Variants in TMPRSS11A observed in about 807,000 individuals in gnomAD.
TMPRSS11A encodes the protein transmembrane serine protease 11A.
Under a neutral mutation model 58.9 loss-of-function variants are expected in TMPRSS11A, and 53 were observed. The ratio of observed to expected loss-of-function variants is 0.90; its 90% CI spans 0.72 to 1.13. The LOEUF (loss-of-function observed/expected upper bound fraction) is 1.13. Ranked by LOEUF, TMPRSS11A falls within the 50% of genes most tolerant of loss-of-function variation. The probability of loss-of-function intolerance (pLI) is 0.00; values close to 1 mark genes in which losing one functional copy is unlikely to be tolerated. For synonymous variants in TMPRSS11A, 167 were observed against 169.8 expected, an observed-to-expected ratio of 0.98 and a Z score of 0.13; for missense variants, 493 against 499.3, an observed-to-expected ratio of 0.99 and a Z score of 0.12.
At chr4:67,961,980 G>T (rs944713079) in intron 1 of TMPRSS11A, among the ~76,000 whole-genome samples, 1 of 152,102 alleles carries the variant, frequency 6.6e-6, no homozygotes, top group Non-Finnish European at 1.5e-5. Flanking sequence ...TATTTTAAAA[G>T]AGTGATTTGG....
chr4:67,944,620 A>G lies in TMPRSS11A; in HGVS notation c.151T>C (p.Tyr51His), dbSNP rs933965374. The G allele has an allele frequency of 6.2e-7, 1 of 1,611,912 alleles. No individual in the cohort carries two copies. Among genetic ancestry groups the G allele is most frequent in the African/African-American group, 1.3e-5 (1 of 74,848 alleles). The change falls in exon 3 of 10, where the codon TAT (tyrosine) becomes CAT (histidine). Residue 51 changes from tyrosine (Y) to histidine (H), a missense_variant. Transcript: ENST00000508048. ...FLVFDQKKEY[Y>H]HGSFKILDPQ... is the part of the protein sequence containing the mutation. ...TCTAAAATTTTAAAGGAGCCATGAT[A>G]GTACTCCTTTTTTTGGTCTGCAATG...
chr4:67,960,055 G>A (rs1362392561), intron 1 of TMPRSS11A, among the ~76,000 whole-genome samples: 1 of 152,230 alleles, frequency 6.6e-6, no homozygotes, highest in East Asian at 1.9e-4. Context: ...GCAAACTAAT[G>A]CAGGAACAGA....
intron 7 of TMPRSS11A, among the ~76,000 whole-genome samples, chr4:67,919,823 G>A (rs1287364460): frequency 6.6e-6 from 1 of 152,164 alleles, no homozygotes; most frequent in African/African-American, 2.4e-5. Context: ...TCTTGGGTTG[G>A]ATGGGCTGCA....
intron 1 of TMPRSS11A, among the ~76,000 whole-genome samples, chr4:67,954,938 T>C (rs12506584): frequency 0.17 from 26,404 of 152,174 alleles, 2,676 homozygotes; most frequent in Admixed American, 0.31. Flanking sequence ...ATAGAGTAAA[T>C]AATATATAAA....
chr4:67,927,614 C>T (rs1217545578), intron 5 of TMPRSS11A, among the ~76,000 whole-genome samples: 1 of 152,190 alleles, frequency 6.6e-6, no homozygotes, highest in Admixed American at 6.5e-5. Flanking sequence ...GTCAAGTGGG[C>T]AGAACAAGCC....
intron 1 of TMPRSS11A, among the ~76,000 whole-genome samples, chr4:67,961,675 G>GT: frequency 6.6e-6 from 1 of 151,852 alleles, no homozygotes; most frequent in East Asian, 1.9e-4. Flanking sequence ...ACCATGCCCG[G>GT]CTAATTGTTG....
At chr4:67,957,975 C>T (rs964342652) in intron 1 of TMPRSS11A, among the ~76,000 whole-genome samples, 5 of 152,156 alleles carry the variant, frequency 3.3e-5, no homozygotes, top group African/African-American at 1.2e-4. Context: ...ATGCAAGCCC[C>T]AAGCCTTAGC....
In TMPRSS11A at chr4:67,919,239, A is replaced by G; in HGVS notation, c.693-7T>C. 3 of 1,612,880 alleles carry G rather than the reference A, an allele frequency of 1.9e-6. No individual in the cohort carries two copies. Among genetic ancestry groups the G allele is most frequent in the Non-Finnish European group, 2.5e-6 (3 of 1,179,320 alleles). ...TTGATGTGGATTTTTATACCTGGAA[A>G]AGGTTAGAAATTAACAGAATATATA... On this transcript the variant is annotated splice_region_variant and splice_polypyrimidine_tract_variant and intron_variant, in intron 7 of 9. Coordinates refer to ENST00000508048, the MANE Select transcript of TMPRSS11A (RefSeq NM_001114387.2).
chr4:67,941,191 C>T (rs6849403), intron 3 of TMPRSS11A, among the ~76,000 whole-genome samples: 63,699 of 151,966 alleles, frequency 0.42, 14,894 homozygotes, highest in Non-Finnish European at 0.54. Context: ...AAGAACAGGA[C>T]GTGCAACCTG....
At position 67,919,059 on chromosome 4, in the gene TMPRSS11A, C is replaced by A. The variant is rs139061539; in HGVS notation, c.866G>T (p.Arg289Leu). Reference sequence around the variant, plus strand: ...AGAGGCTTCTGGCAAACAAATCTGGCGTATGTCATCCGAAAAGGTGACTCT... The same window carrying A: ...AGAGGCTTCTGGCAAACAAATCTGGAGTATGTCATCCGAAAAGGTGACTCT... ...SSRVTFSDDI[R>L]QICLPEASAS... Residue 289 changes from arginine (R) to leucine (L), a missense_variant, in exon 8 of 10, where the codon CGC becomes CTC. Arg to Leu is a moderately radical substitution (Grantham distance 102). Transcript: ENST00000508048. 1.2e-6 allele frequency: 2 copies of A among 1,614,122 alleles called. No homozygotes were observed. Among genetic ancestry groups the A allele is most frequent in the Non-Finnish European group, 1.7e-6 (2 of 1,180,000 alleles).
intron 2 of TMPRSS11A, among the ~76,000 whole-genome samples, chr4:67,945,810 A>G (rs74810281): frequency 0.015 from 2,296 of 152,312 alleles, 65 homozygotes; most frequent in African/African-American, 0.052. Context: ...CCCCAGAAAG[A>G]GACTGAATGT....
At chr4:67,925,204 T>C (rs1008341104) in intron 5 of TMPRSS11A, among the ~76,000 whole-genome samples, 7 of 152,166 alleles carry the variant, frequency 4.6e-5, no homozygotes, top group Admixed American at 4.6e-4. Flanking sequence ...AGTGAGGAGT[T>C]TGACTAAGGA....
intron 1 of TMPRSS11A, among the ~76,000 whole-genome samples, chr4:67,959,716 T>G (rs1342199364): frequency 6.6e-6 from 1 of 152,230 alleles, no homozygotes; most frequent in Non-Finnish European, 1.5e-5. Context: ...TTTTATACAC[T>G]GTAGGTGGGA....
intron 4 of TMPRSS11A, among the ~76,000 whole-genome samples, chr4:67,931,639 A>T (rs1720623516): frequency 6.6e-6 from 1 of 152,200 alleles, no homozygotes. Flanking sequence ...AATTGTCAAC[A>T]TAATATAACT....
At chr4:67,938,921 A>G (rs1577863722) in intron 3 of TMPRSS11A, among the ~76,000 whole-genome samples, 1 of 150,256 alleles carries the variant, frequency 6.7e-6, no homozygotes, top group East Asian at 1.9e-4. Flanking sequence ...TATGAAATTT[A>G]CAAAAGCTTT....
chr4:67,940,684 C>T lies in TMPRSS11A; in HGVS notation c.252+3835G>A, dbSNP rs558038477. On this transcript the variant is annotated intron_variant, in intron 3 of 9. Coordinates refer to ENST00000508048, the MANE Select transcript of TMPRSS11A (RefSeq NM_001114387.2). ...GTCCAGACTGGTTTTGGCTGACTCACAGAGGATGCATAGTAAGGGTTTTGT... is the reference window on the plus strand; with the variant it reads ...GTCCAGACTGGTTTTGGCTGACTCATAGAGGATGCATAGTAAGGGTTTTGT... Among the ~76,000 whole-genome samples the T allele has an allele frequency of 3.3e-5, 5 of 152,234 alleles. No homozygotes were observed. The South Asian group carries it at 1.0e-3, about 32-fold the overall frequency.
chr4:67,926,763 C>A (rs763330699), intron 5 of TMPRSS11A, among the ~76,000 whole-genome samples: 1 of 152,292 alleles, frequency 6.6e-6, no homozygotes, highest in Admixed American at 6.5e-5. Flanking sequence ...GGCTGAGTTG[C>A]CCACTGGTGG....
intron 1 of TMPRSS11A, among the ~76,000 whole-genome samples, chr4:67,961,482 C>T (rs1721418555): frequency 9.8e-6 from 1 of 102,454 alleles, no homozygotes; most frequent in African/African-American, 4.8e-5. Context: ...CTTTTCTTTT[C>T]CTTTTTTTTT....
chr4:67,922,860 G>A lies in TMPRSS11A; in HGVS notation c.587C>T (p.Ala196Val), dbSNP rs140937812. 4.3e-6 allele frequency: 7 copies of A among 1,614,096 alleles called. No individual in the cohort carries two copies. In the East Asian group the frequency reaches 6.7e-5, roughly 15 times the overall value. Reference protein sequence around the residue: ...RIASGVIAPKAAWPWQASLQY... With the variant: ...RIASGVIAPKVAWPWQASLQY... Reference sequence around the variant, plus strand: ...AAGGGAAGCTTGCCAAGGCCAGGCCGCCTTGGGTGCAATGACTCCAGATGC... The same window carrying A: ...AAGGGAAGCTTGCCAAGGCCAGGCCACCTTGGGTGCAATGACTCCAGATGC... Residue 196 changes from alanine to valine, a missense_variant, in exon 7 of 10, where the codon GCG (alanine) becomes GTG (valine). Coordinates refer to ENST00000508048, the MANE Select transcript of TMPRSS11A (RefSeq NM_001114387.2).
Sources: allele counts gnomAD v4.1 joint callset (sites outside exome capture counted in the v4.1 genomes callset), GRCh38; gene constraint gnomAD v4.1.1; transcripts MANE v1.5; gene names NCBI Gene and HGNC (gene_info 2026-07-23, HGNC 2026-07-21).